Variants in ZFYVE21 observed in about 807,000 individuals in gnomAD.
The protein encoded by ZFYVE21 is zinc finger FYVE-type containing 21, also known as zinc finger FYVE domain-containing protein 21.
Under a neutral mutation model 29.5 loss-of-function variants are expected in ZFYVE21, and 21 were observed. The observed-to-expected ratio is 0.71, with a 90% CI of 0.50 to 1.02. The LOEUF is 1.02. ZFYVE21 is among the 50% of genes least tolerant of loss of function. The probability of loss-of-function intolerance (pLI) is 0.00; values close to 1 mark genes in which losing one functional copy is unlikely to be tolerated. For missense variants in ZFYVE21, 326 were observed against 335.4 expected (o/e 0.97, Z 0.22); for synonymous variants, 151 against 133.8 (o/e 1.13, Z -0.89).
At position 103,733,591 on chromosome 14, in the gene ZFYVE21, C is replaced by CTATT. The variant is rs2084009807; in HGVS notation, c.*575_*578dup. 6.5e-6 allele frequency: 1 copy of CTATT among 153,140 alleles called. No homozygotes were observed. 9.5% of individuals were successfully genotyped at this position (153,140 alleles called of 1,614,324 possible). ...CTTTGTGTTTTGTACTTTTCACTCACTATTTCACTTTATTAAGATGACTGT... is the reference window on the plus strand; with the variant it reads ...CTTTGTGTTTTGTACTTTTCACTCACTATTTATTTCACTTTATTAAGATGACTGT... On this transcript the variant is annotated 3_prime_UTR_variant, in exon 7 of 7. Transcript: ENST00000311141.
chr14:103,727,372 C>CCCCT, intron 2 of ZFYVE21: 2 of 348,106 alleles, frequency 5.7e-6, no homozygotes, highest in East Asian at 8.7e-5. Context: ...CCCCCGCCCC[C>CCCCT]TCTGCCCCCT....
intron 1 of ZFYVE21, chr14:103,724,694 A>AC (rs1429219447): frequency 6.6e-6 from 1 of 151,660 alleles, no homozygotes; most frequent in Non-Finnish European, 1.5e-5. Flanking sequence ...AAGCCAAAAG[A>AC]CCCTCCATCT....
At chr14:103,727,527 C>T (rs1464159176) in intron 2 of ZFYVE21, 1 of 702,372 alleles carries the variant, frequency 1.4e-6, no homozygotes, top group Non-Finnish European at 2.6e-6. Flanking sequence ...CATTTTGATC[C>T]ATGATTTTGA....
At chr14:103,732,531 A>C (rs2083991310) in intron 5 of ZFYVE21, 89 bp from the exon 6 acceptor site, 1 of 1,457,958 alleles carries the variant, frequency 6.9e-7, no homozygotes, top group Admixed American at 2.5e-5. Context: ...GCACAAGGTT[A>C]GGATGTGCTG....
chr14:103,726,231 A>G (rs2083922879), intron 1 of ZFYVE21: 1 of 152,364 alleles, frequency 6.6e-6, no homozygotes, highest in Non-Finnish European at 1.5e-5. Context: ...CTCCAAGTAA[A>G]CTAGAATAAT....
chr14:103,722,736 G>A (rs543536452), intron 1 of ZFYVE21, among the ~76,000 whole-genome samples: 1 of 152,050 alleles, frequency 6.6e-6, no homozygotes, highest in South Asian at 2.1e-4. Context: ...GGAGAATGAC[G>A]TGAACCCGGG....
At chr14:103,729,384 A>G in intron 5 of ZFYVE21, 1 of 593,308 alleles carries the variant, frequency 1.7e-6, no homozygotes, top group South Asian at 2.0e-5. Flanking sequence ...GGAGACTTAA[A>G]CTGTAAGACA....
intron 1 of ZFYVE21, among the ~76,000 whole-genome samples, chr14:103,719,272 C>T (rs930527355): frequency 9.2e-5 from 14 of 151,704 alleles, no homozygotes; most frequent in African/African-American, 1.9e-4. Context: ...AGCGAGACTC[C>T]GTCTCAAAAT....
At chr14:103,723,021 G>A (rs548929825) in intron 1 of ZFYVE21, among the ~76,000 whole-genome samples, 1 of 152,294 alleles carries the variant, frequency 6.6e-6, no homozygotes, top group South Asian at 2.1e-4. Context: ...GTGAAAAGCA[G>A]TCCTCTTTCA....
intron 1 of ZFYVE21, among the ~76,000 whole-genome samples, chr14:103,720,872 G>T (rs957455790): frequency 6.6e-6 from 1 of 152,212 alleles, no homozygotes; most frequent in East Asian, 1.9e-4. Context: ...ACCCAGGCTG[G>T]AGTGCAGTGG....
At chr14:103,721,885 G>C (rs2083875463) in intron 1 of ZFYVE21, among the ~76,000 whole-genome samples, 2 of 152,256 alleles carry the variant, frequency 1.3e-5, no homozygotes, top group Admixed American at 1.3e-4. Flanking sequence ...CGCTGGTGGT[G>C]ACACATGTGT....
chr14:103,719,006 A>G (rs911045524), intron 1 of ZFYVE21, among the ~76,000 whole-genome samples: 13 of 152,214 alleles, frequency 8.5e-5, no homozygotes, highest in African/African-American at 3.1e-4. Context: ...CAGGCCGGAC[A>G]GGGCTTTTCT....
At chr14:103,717,423 T>C (rs1595686846) in intron 1 of ZFYVE21, among the ~76,000 whole-genome samples, 1 of 152,358 alleles carries the variant, frequency 6.6e-6, no homozygotes, top group African/African-American at 2.4e-5. Context: ...GGCAGAGGTT[T>C]CCACCAAAGC....
At position 103,727,847 on chromosome 14, in the gene ZFYVE21, G is replaced by T. The variant is rs528297532; in HGVS notation, c.291G>T (p.Ala97=). 3.1e-6 allele frequency: 5 copies of T among 1,613,266 alleles called. No homozygotes were observed. The highest frequency in any genetic ancestry group is 3.4e-6 in the Non-Finnish European group (4 of 1,179,908). ...MCFVDPVRQC[A]ECALVSLKEA... ...TTGTGGACCCCGTGCGGCAGTGCGC[G>T]GAGTGCGCCCTCGTGTCCCTCAAGG... Residue 97 remains alanine, a synonymous_variant, in exon 3 of 7, where the codon GCG becomes GCT. Coordinates refer to ENST00000311141, the MANE Select transcript of ZFYVE21 (RefSeq NM_024071.4).
chr14:103,720,972 G>A (rs1167717677), intron 1 of ZFYVE21, among the ~76,000 whole-genome samples: 2 of 152,156 alleles, frequency 1.3e-5, no homozygotes, highest in South Asian at 2.1e-4. Flanking sequence ...ATAGGTACCC[G>A]CCACCACGCC....
chr14:103,729,173 C>T lies in ZFYVE21; in HGVS notation c.517C>T (p.Pro173Ser), dbSNP rs1306422255. The T allele has an allele frequency of 1.3e-5, 21 of 1,614,056 alleles. No homozygotes were observed. Among genetic ancestry groups the T allele is most frequent in the Non-Finnish European group, 1.8e-5 (21 of 1,179,998 alleles). ...STVQILTEGF[P>S]PGGGNARATG... The stretch of plus-strand genomic sequence containing the variant: ...CGTGCAGATCCTCACAGAAGGCTTC[C>T]CTCCTGGAGGTAAATGCCAGCACGT... Residue 173 changes from proline to serine, a missense_variant, in exon 5 of 7, where the codon CCT becomes TCT. Transcript: ENST00000311141.
intron 1 of ZFYVE21, among the ~76,000 whole-genome samples, chr14:103,722,073 G>C (rs2083877001): frequency 6.6e-6 from 1 of 152,340 alleles, no homozygotes; most frequent in Non-Finnish European, 1.5e-5. Context: ...TGGGAGCCTG[G>C]TCTGGGGCCC....
intron 5 of ZFYVE21, 61 bp from the exon 6 acceptor site, chr14:103,732,559 G>C: frequency 6.6e-7 from 1 of 1,506,732 alleles, no homozygotes; most frequent in South Asian, 1.4e-5. Context: ...CCTTGGGGCT[G>C]GTGGCCGCCT....
At position 103,727,615 on chromosome 14, in the gene ZFYVE21, G is replaced by A. The variant is rs747485952; in HGVS notation, c.190-131G>A. Reference sequence around the variant, plus strand: ...CCCAGGGGCTGGCGACAGGAGGTGCGCGTGTGCAGCGGCCGGCACAGGGGC... The same window carrying A: ...CCCAGGGGCTGGCGACAGGAGGTGCACGTGTGCAGCGGCCGGCACAGGGGC... On this transcript the variant is annotated intron_variant, in intron 2 of 6. Transcript: ENST00000311141. 2.8e-5 allele frequency: 33 copies of A among 1,177,212 alleles called. No homozygotes were observed. The South Asian group carries it at 3.9e-4, about 14-fold the overall frequency. The allele number at this position is 1,177,212 out of a possible 1,614,324, so 72.9% of individuals were successfully genotyped here.
Sources: gnomAD v4.1 joint callset for allele counts (sites outside exome capture counted in the v4.1 genomes callset) on GRCh38, gnomAD v4.1.1 for gene constraint, MANE v1.5 for transcripts, NCBI Gene and HGNC (gene_info 2026-07-23, HGNC 2026-07-21) for gene names.